Variants in ENTPD1 observed in about 807,000 individuals in gnomAD.
ENTPD1 encodes ectonucleoside triphosphate diphosphohydrolase 1, also known as ATP diphosphohydrolase.
A neutral mutation model predicts 57.0 loss-of-function variants in ENTPD1; 33 were observed. That is an observed-to-expected ratio of 0.58 (90% CI 0.44 to 0.77). ENTPD1 has a LOEUF of 0.77. Among genes scored for constraint, ENTPD1 ranks in the 30% least tolerant of loss-of-function variants. The pLI is 0.00. For missense variants in ENTPD1, 501 were observed against 603.4 expected (o/e 0.83, Z 1.78); for synonymous variants, 202 against 218.8 (o/e 0.92, Z 0.68).
At chr10:95,723,141 A>G (rs1289858863) in intron 1 of ENTPD1, among the ~76,000 whole-genome samples, 3 of 152,206 alleles carry the variant, frequency 2.0e-5, no homozygotes, top group Non-Finnish European at 4.4e-5. Flanking sequence ...ACTGACAACA[A>G]GGTAGTATTG....
chr10:95,860,596 C>T lies in ENTPD1; in HGVS notation c.1188+14C>T. The stretch of plus-strand genomic sequence containing the variant: ...CCTTGGGAGGAGGTAAGTGACTAGG[C>T]ACAGCAGCTCTAACAGCATGAGTGC... On this transcript the variant is annotated intron_variant, in intron 8 of 9. Transcript: ENST00000371205. 6.2e-7 allele frequency: 1 copy of T among 1,605,994 alleles called. No homozygotes were observed.
At chr10:95,782,298 G>C (rs935268774) in intron 1 of ENTPD1, among the ~76,000 whole-genome samples, 2 of 152,088 alleles carry the variant, frequency 1.3e-5, no homozygotes, top group African/African-American at 4.8e-5. Flanking sequence ...TTACTTTTTG[G>C]TTGATTTATT....
chr10:95,711,867 C>A, exon 1 of ENTPD1: 1 of 1,588,088 alleles, frequency 6.3e-7, no homozygotes, highest in South Asian at 1.1e-5. Flanking sequence ...AGTGAAACTT[C>A]AGAGGGCAAA....
At chr10:95,735,957 T>C (rs995146451) in intron 1 of ENTPD1, among the ~76,000 whole-genome samples, 4 of 151,520 alleles carry the variant, frequency 2.6e-5, no homozygotes, top group Non-Finnish European at 1.5e-5. Context: ...TTGAAAACAA[T>C]AGGAGTTGTT....
intron 7 of ENTPD1, among the ~76,000 whole-genome samples, chr10:95,850,437 A>G (rs552087934): frequency 6.6e-6 from 1 of 152,260 alleles, no homozygotes; most frequent in African/African-American, 2.4e-5. Context: ...GGGGACAGTA[A>G]TATCTACCTC....
At chr10:95,784,061 A>G (rs888454798) in intron 1 of ENTPD1, among the ~76,000 whole-genome samples, 2 of 150,046 alleles carry the variant, frequency 1.3e-5, no homozygotes, top group Non-Finnish European at 3.0e-5. Flanking sequence ...TGCAGGAGGA[A>G]TGTAGTAAGA....
chr10:95,722,754 C>T (rs2097978984), intron 1 of ENTPD1, among the ~76,000 whole-genome samples: 1 of 152,178 alleles, frequency 6.6e-6, no homozygotes, highest in African/African-American at 2.4e-5. Context: ...GGGAGTTCCT[C>T]CTAGGTCTGG....
intron 2 of ENTPD1, among the ~76,000 whole-genome samples, chr10:95,829,589 T>C (rs1566206449): frequency 6.6e-6 from 1 of 152,214 alleles, no homozygotes; most frequent in Non-Finnish European, 1.5e-5. Flanking sequence ...TCCTGATTTT[T>C]GTGGAGGTGA....
intron 1 of ENTPD1, among the ~76,000 whole-genome samples, chr10:95,794,256 A>G (rs573684841): frequency 2.0e-4 from 31 of 152,194 alleles, no homozygotes; most frequent in Non-Finnish European, 4.0e-4. Context: ...AATGTGAAAA[A>G]AAAAGTCATA....
chr10:95,847,431 G>C lies in ENTPD1; in HGVS notation c.814-15G>C, dbSNP rs2098437832. ...GCGTTCACACATGATGCTTTCAAGTGATTTTTCCATTCAGGTTGCAAGTAA... is the reference window on the plus strand; with the variant it reads ...GCGTTCACACATGATGCTTTCAAGTCATTTTTCCATTCAGGTTGCAAGTAA... On this transcript the variant is annotated splice_polypyrimidine_tract_variant and intron_variant, in intron 6 of 9. Coordinates refer to ENST00000371205, the MANE Select transcript of ENTPD1 (RefSeq NM_001776.6). 1 of 1,614,008 alleles carries C rather than the reference G, an allele frequency of 6.2e-7. No individual in the cohort carries two copies. The highest frequency in any genetic ancestry group is 1.7e-5 in the Admixed American group (1 of 60,004).
chr10:95,751,917 G>A (rs148333428), upstream of ENTPD1, among the ~76,000 whole-genome samples: 145 of 152,224 alleles, frequency 9.5e-4, 1 homozygote, highest in Middle Eastern at 6.8e-3. Flanking sequence ...TATGACCTAG[G>A]TAGAATAAGT....
the ENTPD1 span, among the ~76,000 whole-genome samples, chr10:95,700,932 A>G: frequency 6.6e-6 from 1 of 151,856 alleles, no homozygotes; most frequent in Non-Finnish European, 1.5e-5. Context: ...AGCTGGGATT[A>G]TAGGTGCCCA....
intron 7 of ENTPD1, among the ~76,000 whole-genome samples, chr10:95,851,241 T>A (rs1345685071): frequency 6.6e-6 from 1 of 151,694 alleles, no homozygotes; most frequent in Non-Finnish European, 1.5e-5. Context: ...TATATTTATA[T>A]TTATATTTAT....
chr10:95,735,721 G>A (rs558676012), intron 1 of ENTPD1, among the ~76,000 whole-genome samples: 18 of 151,966 alleles, frequency 1.2e-4, no homozygotes, highest in South Asian at 6.2e-4. Context: ...TCAGCCTCCC[G>A]AGTAGCTGGG....
At chr10:95,771,595 C>T (rs956398602) in intron 1 of ENTPD1, among the ~76,000 whole-genome samples, 3 of 152,118 alleles carry the variant, frequency 2.0e-5, no homozygotes, top group Non-Finnish European at 2.9e-5. Flanking sequence ...TAGTGATGTC[C>T]CGTATGACTC....
chr10:95,703,674 C>T, the ENTPD1 span, among the ~76,000 whole-genome samples: 16 of 150,046 alleles, frequency 1.1e-4, no homozygotes, highest in Middle Eastern at 0.011. Context: ...CCCAGCCACT[C>T]GGGAGGCTGA....
Position 95,809,279 on chromosome 10 carries a change from C to T in ENTPD1, c.17-13958C>T, listed in dbSNP as rs555028180. Among the ~76,000 whole-genome samples, 198 of 152,264 alleles carry T rather than the reference C, an allele frequency of 1.3e-3. 2 individuals are homozygous for T. Among genetic ancestry groups the T allele is most frequent in the Non-Finnish European group, 2.0e-3 (137 of 67,974 alleles). ...GTGGCAGCCGGGCAGAGGCACCCCC[C>T]ACATCCCAGACAGGGTGGCCAGGCA... On this transcript the variant is annotated intron_variant, in intron 1 of 9. Coordinates refer to ENST00000371205, the MANE Select transcript of ENTPD1 (RefSeq NM_001776.6).
At chr10:95,803,017 T>G (rs945025452) in intron 1 of ENTPD1, among the ~76,000 whole-genome samples, 1 of 152,196 alleles carries the variant, frequency 6.6e-6, no homozygotes, top group African/African-American at 2.4e-5. Context: ...TTCTTTTTGC[T>G]TAGGATTGCC....
intron 2 of ENTPD1, among the ~76,000 whole-genome samples, chr10:95,829,498 A>G (rs1318546707): frequency 6.6e-6 from 1 of 152,250 alleles, no homozygotes; most frequent in Non-Finnish European, 1.5e-5. Flanking sequence ...TAGAGAGATA[A>G]GGAGATACTG....
Sources: allele counts gnomAD v4.1 joint callset (sites outside exome capture counted in the v4.1 genomes callset), GRCh38; gene constraint gnomAD v4.1.1; transcripts MANE v1.5; gene names NCBI Gene and HGNC (gene_info 2026-07-23, HGNC 2026-07-21).